TUSC3: variants seen among roughly 807,000 people sequenced by gnomAD.
TUSC3 encodes tumor suppressor candidate 3.
A neutral mutation model predicts 44.8 loss-of-function variants in TUSC3; 45 were observed. That is an observed-to-expected ratio of 1.00 (90% CI 0.79 to 1.29). TUSC3 has a LOEUF of 1.29. TUSC3 is among the 50% of genes most tolerant of loss of function. TUSC3 has a pLI of 0.00. For synonymous variants in TUSC3, 212 were observed against 152.9 expected (o/e 1.39, Z -2.85); for missense variants, 519 against 437.9 (o/e 1.19, Z -1.65).
chr8:15,750,727 G>C (rs532446663), intron 9 of TUSC3, among the ~76,000 whole-genome samples: 5 of 152,224 alleles, frequency 3.3e-5, no homozygotes, highest in Admixed American at 3.3e-4. Flanking sequence ...CGTTATTTCT[G>C]TGTGAATGTG....
chr8:15,508,672 A>G (rs1438655604), intron 2 of TUSC3, among the ~76,000 whole-genome samples: 1 of 152,086 alleles, frequency 6.6e-6, no homozygotes, highest in Non-Finnish European at 1.5e-5. Context: ...CGTGTTAGCC[A>G]GGATGGTCTC....
the TUSC3 span, among the ~76,000 whole-genome samples, chr8:15,847,920 A>G: frequency 6.6e-6 from 1 of 152,324 alleles, no homozygotes; most frequent in African/African-American, 2.4e-5. Context: ...ATTGTGAGAA[A>G]TAAATGAAAT....
intron 8 of TUSC3, among the ~76,000 whole-genome samples, chr8:15,744,284 G>A (rs1811313415): frequency 6.6e-6 from 1 of 151,986 alleles, no homozygotes; most frequent in Non-Finnish European, 1.5e-5. Flanking sequence ...TTTTTGAGAA[G>A]TAAAGAGTTT....
At chr8:15,725,906 G>T (rs1454593752) in intron 6 of TUSC3, among the ~76,000 whole-genome samples, 1 of 151,988 alleles carries the variant, frequency 6.6e-6, no homozygotes, top group Non-Finnish European at 1.5e-5. Context: ...CCAAATTACT[G>T]AACTGATTAA....
At chr8:15,481,868 G>A (rs1389955705) in intron 1 of TUSC3, among the ~76,000 whole-genome samples, 1 of 152,092 alleles carries the variant, frequency 6.6e-6, no homozygotes, top group Non-Finnish European at 1.5e-5. Flanking sequence ...GGGTGGCTGT[G>A]GCAAATTCTG....
At chr8:15,580,752 T>C (rs1803292200) in intron 1 of TUSC3, among the ~76,000 whole-genome samples, 1 of 127,522 alleles carries the variant, frequency 7.8e-6, no homozygotes, top group Non-Finnish European at 1.7e-5. Context: ...CCCTTAACAT[T>C]TTTTCCTTCA....
intron 1 of TUSC3, among the ~76,000 whole-genome samples, chr8:15,588,994 T>G (rs1259688935): frequency 1.3e-5 from 2 of 152,148 alleles, no homozygotes; most frequent in Non-Finnish European, 2.9e-5. Context: ...AATGTGATGC[T>G]TCCAGCTTTG....
chr8:15,814,175 G>T, the TUSC3 span, among the ~76,000 whole-genome samples: 2 of 152,116 alleles, frequency 1.3e-5, no homozygotes. Context: ...AAGAGATTAA[G>T]AACTCAATTT....
rs553518878 is a variant in TUSC3 at position 15,464,952 on chromosome 8, C to T, written n.92-18434C>T. 9.2e-5 allele frequency among the ~76,000 whole-genome samples: 14 copies of T among 152,186 alleles called. No homozygotes were observed. In the South Asian group the frequency reaches 1.0e-3, roughly 11 times the overall value. ...GCAACCTCTTCCTCCCAGGTTCAAG[C>T]GATTCTCTTGCCTCAGCCTCCCAAG... On this transcript the variant is annotated intron_variant and non_coding_transcript_variant, in intron 1 of 5. Coordinates refer to the TUSC3 transcript ENST00000503191.
At chr8:15,650,634 A>T in intron 2 of TUSC3, 63 bp from the exon 3 acceptor site, 1 of 1,436,800 alleles carries the variant, frequency 7.0e-7, no homozygotes. Context: ...GTCTGTTTTA[A>T]TAACTGCTTT....
intron 2 of TUSC3, among the ~76,000 whole-genome samples, chr8:15,489,248 C>G (rs1800774987): frequency 6.6e-6 from 1 of 152,136 alleles, no homozygotes; most frequent in African/African-American, 2.4e-5. Context: ...GGGTCATATG[C>G]AAATTCAAAG....
At chr8:15,539,408 A>C (rs1326086310), upstream of TUSC3, among the ~76,000 whole-genome samples, 9 of 120,704 alleles carry the variant, frequency 7.5e-5, no homozygotes, top group African/African-American at 2.9e-4. Context: ...GCTGGAGTGC[A>C]GTGGAGTGAT....
chr8:15,537,411 C>G (rs1395513699), upstream of TUSC3, among the ~76,000 whole-genome samples: 1 of 152,096 alleles, frequency 6.6e-6, no homozygotes, highest in Non-Finnish European at 1.5e-5. Flanking sequence ...TATATAAAAC[C>G]AAGCTGCACC....
chr8:15,527,643 G>A (rs978558804), intron 2 of TUSC3, among the ~76,000 whole-genome samples: 1 of 152,102 alleles, frequency 6.6e-6, no homozygotes, highest in African/African-American at 2.4e-5. Context: ...GGCCTCAAGG[G>A]AACCTCCCAT....
At chr8:15,466,867 C>A (rs1437540039) in intron 1 of TUSC3, among the ~76,000 whole-genome samples, 1 of 152,072 alleles carries the variant, frequency 6.6e-6, no homozygotes, top group Non-Finnish European at 1.5e-5. Context: ...TAATTGCTCA[C>A]TCAGAGGGCC....
chr8:15,635,072 C>T (rs1323596881), intron 2 of TUSC3, among the ~76,000 whole-genome samples: 3 of 151,678 alleles, frequency 2.0e-5, no homozygotes, highest in Admixed American at 6.6e-5. Context: ...TTTTTTCCCC[C>T]CAAAGGTAGG....
intron 1 of TUSC3, among the ~76,000 whole-genome samples, chr8:15,450,078 G>A (rs903367553): frequency 1.3e-5 from 2 of 151,996 alleles, no homozygotes; most frequent in African/African-American, 4.8e-5. Flanking sequence ...TTCTCAGAAC[G>A]TATTCTTGTC....
At chr8:15,719,516 CCACACACA>C (rs56066329) in intron 6 of TUSC3, among the ~76,000 whole-genome samples, 1,362 of 16,218 alleles carry the variant, frequency 0.084, 6 homozygotes, top group South Asian at 0.14. Context: ...CACACACACA[CCACACACA>C]CACACACACA....
chr8:15,562,995 C>CG (rs1802535142), intron 1 of TUSC3, among the ~76,000 whole-genome samples: 2 of 144,904 alleles, frequency 1.4e-5, no homozygotes, highest in African/African-American at 2.5e-5. Flanking sequence ...TTGTCCATGC[C>CG]CAGGGGAGGC....
Sources: allele counts gnomAD v4.1 joint callset (sites outside exome capture counted in the v4.1 genomes callset), GRCh38; gene constraint gnomAD v4.1.1; transcripts MANE v1.5; gene names NCBI Gene and HGNC (gene_info 2026-07-23, HGNC 2026-07-21).